The following FAM227B variants were observed in gnomAD, a reference collection of about 807,000 sequenced individuals.
FAM227B encodes protein FAM227B.
FAM227B carries 88 observed loss-of-function variants against 73.8 expected under a neutral mutation model. The observed-to-expected ratio is 1.19, with a 90% CI of 1.00 to 1.42. The LOEUF (loss-of-function observed/expected upper bound fraction) is 1.42, where lower values mean the gene tolerates loss of function less well. Ranked by LOEUF, FAM227B falls within the 40% of genes most tolerant of loss-of-function variation. FAM227B has a pLI of 0.00. For synonymous variants in FAM227B, 210 were observed against 190.5 expected (o/e 1.10, Z -0.84); for missense variants, 632 against 590.9 (o/e 1.07, Z -0.72).
In FAM227B at chr15:49,546,479, C is replaced by T. The variant is rs555053887; in HGVS notation, c.748-4673G>A. 2.1e-3 allele frequency among the ~76,000 whole-genome samples: 318 copies of T among 152,160 alleles called. 4 individuals are homozygous for T. Among genetic ancestry groups the T allele is most frequent in the Admixed American group, 9.9e-3 (151 of 15,270 alleles). ...AATCCTTTGGGTATATACCCAGTAACGGGATGGCTGGGTCAAATGGTATTT... is the reference window on the plus strand; with the variant it reads ...AATCCTTTGGGTATATACCCAGTAATGGGATGGCTGGGTCAAATGGTATTT... On this transcript the variant is annotated intron_variant, in intron 9 of 15. Transcript: ENST00000299338.
chr15:49,484,008 G>C (rs542187626), intron 11 of FAM227B, among the ~76,000 whole-genome samples: 1 of 152,112 alleles, frequency 6.6e-6, no homozygotes, highest in East Asian at 1.9e-4. Context: ...TATGAGGCCT[G>C]TTACTTAGGG....
At chr15:49,399,278 A>C (rs1220982349) in intron 11 of FAM227B, among the ~76,000 whole-genome samples, 1 of 123,296 alleles carries the variant, frequency 8.1e-6, no homozygotes, top group Non-Finnish European at 1.7e-5. Context: ...CAACACATAC[A>C]CTCTCCCAAG....
intron 3 of FAM227B, among the ~76,000 whole-genome samples, chr15:49,591,000 CTTCTT>C (rs957174014): frequency 2.1e-5 from 3 of 141,212 alleles, no homozygotes; most frequent in Admixed American, 7.0e-5. Context: ...AGATCTCTCT[CTTCTT>C]TTCTTTCTCT....
At chr15:49,347,602 G>A (rs1273923913) in intron 13 of FAM227B, among the ~76,000 whole-genome samples, 1 of 152,106 alleles carries the variant, frequency 6.6e-6, no homozygotes, top group East Asian at 1.9e-4. Context: ...GTATCTAGGT[G>A]CAGTTGAGTT....
At chr15:49,445,996 T>C (rs1462143965) in intron 11 of FAM227B, among the ~76,000 whole-genome samples, 1 of 151,576 alleles carries the variant, frequency 6.6e-6, no homozygotes, top group African/African-American at 2.4e-5. Flanking sequence ...CATGAATTTT[T>C]TCCTTACTGG....
intron 11 of FAM227B, among the ~76,000 whole-genome samples, chr15:49,465,772 T>A (rs926152218): frequency 1.3e-5 from 2 of 152,216 alleles, no homozygotes; most frequent in Non-Finnish European, 2.9e-5. Context: ...TAGCAAATAC[T>A]TTTGTTATTC....
chr15:49,580,756 G>A (rs537781883), intron 5 of FAM227B, among the ~76,000 whole-genome samples: 1 of 152,266 alleles, frequency 6.6e-6, no homozygotes, highest in African/African-American at 2.4e-5. Flanking sequence ...CAATACAGGA[G>A]CTGAAAGTTG....
intron 3 of FAM227B, among the ~76,000 whole-genome samples, chr15:49,590,696 C>G (rs1266380233): frequency 6.6e-6 from 1 of 152,080 alleles, no homozygotes; most frequent in East Asian, 1.9e-4. Context: ...CATTTAAGAT[C>G]TACTCTATTA....
chr15:49,493,098 T>A (rs944490188), intron 11 of FAM227B, among the ~76,000 whole-genome samples: 3 of 151,962 alleles, frequency 2.0e-5, no homozygotes, highest in African/African-American at 7.2e-5. Context: ...TGTCCCTCAG[T>A]CTCATCTCTT....
At position 49,489,836 on chromosome 15, in the gene FAM227B, ATATTTT is replaced by A. The variant is rs1480527915; in HGVS notation, c.1012+18369_1012+18374del. ...ATATATATATTTTATATATATATAT[ATATTTT>A]ATATATATATATATATTTTATATAT... On this transcript the variant is annotated intron_variant, in intron 11 of 15. Transcript: ENST00000299338. Among the ~76,000 whole-genome samples, 75 of 31,574 alleles carry A rather than the reference ATATTTT, an allele frequency of 2.4e-3. 11 individuals carry two copies. The South Asian group carries it at 0.042, about 18-fold the overall frequency. 20.7% of individuals were successfully genotyped at this position (31,574 alleles called of 152,430 possible). A position where few individuals can be genotyped will look rare whatever the true frequency, so the allele number is the denominator to read the frequency against.
At chr15:49,500,097 T>G (rs901597272) in intron 11 of FAM227B, among the ~76,000 whole-genome samples, 1 of 152,198 alleles carries the variant, frequency 6.6e-6, no homozygotes, top group Middle Eastern at 3.2e-3. Context: ...AATATGTATC[T>G]GAAAAAGGAC....
intron 3 of FAM227B, chr15:49,606,282 T>C (rs2077516197): frequency 6.6e-6 from 1 of 152,150 alleles, no homozygotes. Flanking sequence ...TATTTTTTTT[T>C]TTACTTTTAT....
At chr15:49,380,742 A>G (rs906350644) in intron 11 of FAM227B, among the ~76,000 whole-genome samples, 1 of 149,546 alleles carries the variant, frequency 6.7e-6, no homozygotes, top group Non-Finnish European at 1.5e-5. Flanking sequence ...ATTTTTTTCT[A>G]CTCAAGCTAA....
intron 10 of FAM227B, among the ~76,000 whole-genome samples, chr15:49,513,899 T>G (rs922135728): frequency 1.3e-5 from 2 of 152,186 alleles, no homozygotes; most frequent in Non-Finnish European, 2.9e-5. Context: ...AAAGATCAGA[T>G]AGTTGTAGAT....
intron 11 of FAM227B, among the ~76,000 whole-genome samples, chr15:49,497,028 G>C (rs931540257): frequency 6.6e-6 from 1 of 151,854 alleles, no homozygotes; most frequent in Non-Finnish European, 1.5e-5. Context: ...AATTACACCT[G>C]AACAGTCAGC....
intron 11 of FAM227B, chr15:49,487,881 T>C (rs1029465142): frequency 1.3e-5 from 2 of 152,012 alleles, no homozygotes; most frequent in African/African-American, 4.8e-5. Flanking sequence ...GGGCTTATCA[T>C]GCAGTTTGGT....
intron 11 of FAM227B, among the ~76,000 whole-genome samples, chr15:49,505,317 C>T (rs1459391044): frequency 2.0e-5 from 3 of 151,926 alleles, no homozygotes; most frequent in African/African-American, 4.8e-5. Flanking sequence ...TTTTTTACCT[C>T]GAGTTGTAAT....
chr15:49,602,302 A>G (rs560486428), intron 3 of FAM227B, among the ~76,000 whole-genome samples: 3 of 152,194 alleles, frequency 2.0e-5, no homozygotes, highest in African/African-American at 7.2e-5. Flanking sequence ...CCTCACTAGC[A>G]TTTGTTATTG....
At chr15:49,422,196 TGAG>T (rs1483094823) in intron 11 of FAM227B, among the ~76,000 whole-genome samples, 2 of 149,614 alleles carry the variant, frequency 1.3e-5, no homozygotes, top group Non-Finnish European at 1.5e-5. Flanking sequence ...GTGTGTGTTT[TGAG>T]GAGTATATAA....
Sources: gnomAD v4.1 joint callset for allele counts (sites outside exome capture counted in the v4.1 genomes callset) on GRCh38, gnomAD v4.1.1 for gene constraint, MANE v1.5 for transcripts, NCBI Gene and HGNC (gene_info 2026-07-23, HGNC 2026-07-21) for gene names.